COPB2: variants seen among roughly 807,000 people sequenced by gnomAD.
COPB2 encodes coat protein complex I subunit beta 2, also known as coatomer subunit beta'.
In COPB2, 16 loss-of-function variants were observed where a neutral mutation model predicts 120.8. The observed-to-expected ratio is 0.13, with a 90% confidence interval of 0.09 to 0.20. COPB2 has a LOEUF of 0.20. COPB2 is among the 10% of genes least tolerant of loss of function. The probability of loss-of-function intolerance (pLI) is 1.00; values close to 1 mark genes in which losing one functional copy is unlikely to be tolerated. For synonymous variants in COPB2, 332 were observed against 366.3 expected (o/e 0.91, Z 1.07); for missense variants, 794 against 1,076.5 (o/e 0.74, Z 3.67).
intron 2 of COPB2, 26 bp downstream of exon 2, chr3:139,383,272 C>G: frequency 7.4e-6 from 12 of 1,611,178 alleles, no homozygotes; most frequent in Non-Finnish European, 9.3e-6. Context: ...TATTTTATTT[C>G]TAATACAGTC....
chr3:139,371,906 A>T, intron 9 of COPB2, 73 bp from the exon 10 acceptor site: 1 of 1,032,984 alleles, frequency 9.7e-7, no homozygotes, highest in South Asian at 1.5e-5. Context: ...ACAATAATTC[A>T]TGTTATGGTA....
Position 139,366,632 on chromosome 3 carries a change from T to C in COPB2, c.1820A>G (p.Asp607Gly). Residue 607 changes from aspartate (D) to glycine (G), a missense_variant, in exon 15 of 22, where the codon GAT (aspartate) becomes GGT (glycine). Coordinates refer to ENST00000333188, the MANE Select transcript of COPB2 (RefSeq NM_004766.3). ...AVMRRDFSMADKVLPTIPKEQ... is the reference protein window; with the variant it reads ...AVMRRDFSMAGKVLPTIPKEQ... ...TTTTGGAATGGTAGGAAGGACCTTA[T>C]CAGCCATGCTAAAGTCCCTCCGCAT... 1 of 1,614,068 alleles carries C rather than the reference T, an allele frequency of 6.2e-7. No homozygotes were observed. The highest frequency in any genetic ancestry group is 8.5e-7 in the Non-Finnish European group (1 of 1,179,968).
At chr3:139,367,514 C>T (rs937166425) in intron 13 of COPB2, among the ~76,000 whole-genome samples, 3 of 152,060 alleles carry the variant, frequency 2.0e-5, no homozygotes, top group Non-Finnish European at 4.4e-5. Context: ...TCTTAGACTC[C>T]TGACCTCAAG....
Position 139,371,733 on chromosome 3 carries a change from C to A in COPB2, c.1195G>T (p.Asp399Tyr). The A allele has an allele frequency of 1.2e-6, 2 of 1,613,626 alleles. No individual in the cohort carries two copies. The highest frequency in any genetic ancestry group is 1.7e-6 in the Non-Finnish European group (2 of 1,179,652). ...GSAQEFAWAHDSSEYAIRESN... is the reference protein window; with the variant it reads ...GSAQEFAWAHYSSEYAIRESN... ...ACAATCAAAACTTACTCTGAAGAAT[C>A]GTGGGCCCATGCAAACTCCTGAGCA... The change falls in exon 10 of 22, where the codon GAT becomes TAT. Residue 399 changes from aspartate (D) to tyrosine (Y), a missense_variant. Coordinates refer to ENST00000333188, the MANE Select transcript of COPB2 (RefSeq NM_004766.3).
chr3:139,375,032 C>T (rs1281399838), intron 6 of COPB2, among the ~76,000 whole-genome samples: 1 of 152,104 alleles, frequency 6.6e-6, no homozygotes, highest in Non-Finnish European at 1.5e-5. Context: ...CTTATGGGAA[C>T]TTTTGATGTG....
Position 139,368,308 on chromosome 3 carries a change from T to C in COPB2, c.1402-20A>G, listed in dbSNP as rs777350511. 16 of 1,600,146 alleles carry C rather than the reference T, an allele frequency of 1.0e-5. 1 individual carries two copies. The East Asian group carries it at 1.6e-4, about 16-fold the overall frequency. On this transcript the variant is annotated intron_variant, in intron 12 of 21. Transcript: ENST00000333188. ...GAAAATCTGCAACACAACAAAATCA[T>C]AGACAACTGATTTGGATTTCTGAGT...
chr3:139,383,517 G>C (rs953056439), intron 1 of COPB2, 82 bp from the exon 2 acceptor site: 2 of 1,272,214 alleles, frequency 1.6e-6, no homozygotes, highest in Non-Finnish European at 2.1e-6. Flanking sequence ...TGCATGAATA[G>C]GCCTACAAAA....
intron 5 of COPB2, among the ~76,000 whole-genome samples, chr3:139,376,747 A>T (rs34994114): frequency 0.035 from 5,393 of 152,190 alleles, 91 homozygotes; most frequent in African/African-American, 0.049. Context: ...TTAATTAATT[A>T]ATTAATTTAT....
chr3:139,364,081 G>C (rs1041116244), intron 15 of COPB2, among the ~76,000 whole-genome samples: 4 of 152,042 alleles, frequency 2.6e-5, no homozygotes, highest in African/African-American at 9.7e-5. Context: ...ACGACACACA[G>C]AAAGGGAGAG....
chr3:139,379,315 A>C (rs2107807789), intron 3 of COPB2, 65 bp downstream of exon 3: 4 of 1,579,396 alleles, frequency 2.5e-6, no homozygotes, highest in South Asian at 1.1e-5. Context: ...AAAATCCTGC[A>C]ACAAATTTAC....
At chr3:139,379,946 G>C (rs1244983307) in intron 2 of COPB2, 1 of 152,962 alleles carries the variant, frequency 6.5e-6, no homozygotes, top group African/African-American at 2.4e-5. Context: ...TGGCACACAA[G>C]TAGTGTGTAA....
Position 139,378,209 on chromosome 3 carries a change from C to T in COPB2, c.356-20G>A. 1 of 1,517,900 alleles carries T rather than the reference C, an allele frequency of 6.6e-7. No individual in the cohort carries two copies. The highest frequency in any genetic ancestry group is 9.0e-7 in the Non-Finnish European group (1 of 1,113,684). The allele number at this position is 1,517,900 out of a possible 1,614,324, so 94.0% of individuals were successfully genotyped here. A position where few individuals can be genotyped will look rare whatever the true frequency, so the allele number is the denominator to read the frequency against. ...TGTCATCTAGGCCAAAAGAAAGTCT[C>T]AAGTTAGTTGTAATTCTATTTTTTC... On this transcript the variant is annotated intron_variant, in intron 4 of 21. Coordinates refer to ENST00000333188, the MANE Select transcript of COPB2 (RefSeq NM_004766.3).
chr3:139,361,683 A>ATTC (rs745397361), intron 16 of COPB2, among the ~76,000 whole-genome samples: 10 of 152,230 alleles, frequency 6.6e-5, no homozygotes, highest in Non-Finnish European at 1.5e-4. Flanking sequence ...TTTCACAATA[A>ATTC]TATTATGTCT....
At chr3:139,373,121 A>C in intron 9 of COPB2, 92 bp downstream of exon 9, 1 of 1,265,494 alleles carries the variant, frequency 7.9e-7, no homozygotes, top group Non-Finnish European at 1.2e-6. Context: ...GAATGATTAG[A>C]GATGCCAACC....
At chr3:139,388,121 A>G (rs1247145853) in intron 1 of COPB2, among the ~76,000 whole-genome samples, 2 of 152,238 alleles carry the variant, frequency 1.3e-5, no homozygotes, top group Non-Finnish European at 2.9e-5. Flanking sequence ...AAATGAAATT[A>G]GGCAGATCCA....
At chr3:139,379,641 T>C (rs1391759025) in intron 2 of COPB2, 175 bp from the exon 3 acceptor site, 3 of 570,868 alleles carry the variant, frequency 5.3e-6, no homozygotes, top group East Asian at 6.0e-5. Flanking sequence ...TATCTTTTAA[T>C]AGATTCGAAA....
At chr3:139,369,659 A>G (rs1941586566) in intron 10 of COPB2, 115 bp from the exon 11 acceptor site, 2 of 676,652 alleles carry the variant, frequency 3.0e-6, no homozygotes, top group Non-Finnish European at 2.5e-6. Context: ...TATAAAATAA[A>G]TATTTGAAGA....
chr3:139,362,298 C>T (rs1384200405), intron 16 of COPB2, 109 bp downstream of exon 16: 5 of 555,830 alleles, frequency 9.0e-6, no homozygotes, highest in Non-Finnish European at 1.5e-5. Flanking sequence ...ACAAAATGAG[C>T]CACTAATTTG....
In COPB2 at chr3:139,357,788, A is replaced by G; in HGVS notation, c.*75T>C. The G allele has an allele frequency of 1.4e-6, 1 of 710,544 alleles. No individual in the cohort carries two copies. The highest frequency in any genetic ancestry group is 2.3e-6 in the Non-Finnish European group (1 of 443,290). The allele number at this position is 710,544 out of a possible 1,614,324, so 44.0% of individuals were successfully genotyped here. ...TAAGAAGTTTCTCATAGTCCAAAGC[A>G]CTGTGGTCAGGGTAGCAATCAATAC... On this transcript the variant is annotated 3_prime_UTR_variant, in exon 22 of 22. Transcript: ENST00000333188.
Sources: allele counts gnomAD v4.1 joint callset (sites outside exome capture counted in the v4.1 genomes callset), GRCh38; gene constraint gnomAD v4.1.1; transcripts MANE v1.5; gene names NCBI Gene and HGNC (gene_info 2026-07-23, HGNC 2026-07-21).